CTNNA2: variants seen among roughly 807,000 people sequenced by gnomAD.
CTNNA2 encodes the protein catenin alpha-2.
Under a neutral mutation model 101.0 loss-of-function variants are expected in CTNNA2, and 42 were observed. That is an observed-to-expected ratio of 0.42 (90% confidence interval 0.32 to 0.54). The LOEUF (loss-of-function observed/expected upper bound fraction) is 0.54. CTNNA2 is among the 20% of genes least tolerant of loss of function. The pLI, the probability that CTNNA2 is intolerant of heterozygous loss-of-function variation, is 0.14. For missense variants in CTNNA2, 871 were observed against 1,223.1 expected, an observed-to-expected ratio of 0.71 and a Z score of 4.29; for synonymous variants, 450 against 456.4, an observed-to-expected ratio of 0.99 and a Z score of 0.18.
chr2:79,787,064 A>G (rs1187491068), intron 3 of CTNNA2, among the ~76,000 whole-genome samples: 5 of 151,936 alleles, frequency 3.3e-5, no homozygotes, highest in African/African-American at 1.2e-4. Context: ...CTTACTGAAA[A>G]CTCATTTTAA....
chr2:80,124,243 C>T (rs541504741), intron 7 of CTNNA2, among the ~76,000 whole-genome samples: 5 of 152,228 alleles, frequency 3.3e-5, no homozygotes, highest in Admixed American at 6.5e-5. Context: ...CCATATTTAC[C>T]GATGTCTGCC....
intron 11 of CTNNA2, among the ~76,000 whole-genome samples, chr2:80,547,039 C>G (rs1250908597): frequency 6.6e-6 from 1 of 152,176 alleles, no homozygotes; most frequent in Non-Finnish European, 1.5e-5. Context: ...TGGTGGGAAC[C>G]AGGCAGACAG....
chr2:79,479,813 C>T (rs1671089356), intron 4 of CTNNA2, among the ~76,000 whole-genome samples: 1 of 152,020 alleles, frequency 6.6e-6, no homozygotes, highest in Non-Finnish European at 1.5e-5. Context: ...ATCTCAGCTA[C>T]TCCGGAGGCT....
At chr2:80,340,935 G>A (rs1331694006) in intron 7 of CTNNA2, among the ~76,000 whole-genome samples, 1 of 152,072 alleles carries the variant, frequency 6.6e-6, no homozygotes, top group East Asian at 1.9e-4. Context: ...TCGGTAATTA[G>A]CTAGGAAGGC....
intron 3 of CTNNA2, among the ~76,000 whole-genome samples, chr2:79,347,105 A>G (rs1338682231): frequency 6.6e-6 from 1 of 152,222 alleles, no homozygotes; most frequent in East Asian, 1.9e-4. Flanking sequence ...TTAAAATATT[A>G]AATACATAAA....
intron 2 of CTNNA2, among the ~76,000 whole-genome samples, chr2:79,229,636 A>G (rs1674464692): frequency 6.6e-6 from 1 of 152,236 alleles, no homozygotes; most frequent in South Asian, 2.1e-4. Flanking sequence ...TGCTGAAAAG[A>G]TACCCTAAAA....
At chr2:79,901,835 A>G (rs573338708) in intron 6 of CTNNA2, among the ~76,000 whole-genome samples, 189 of 152,228 alleles carry the variant, frequency 1.2e-3, no homozygotes, top group Non-Finnish European at 2.3e-3. Context: ...ACTTAACTGT[A>G]ATTAAAAACA....
chr2:79,561,453 A>G (rs888514242), intron 1 of CTNNA2, among the ~76,000 whole-genome samples: 4 of 152,010 alleles, frequency 2.6e-5, no homozygotes, highest in Non-Finnish European at 5.9e-5. Flanking sequence ...TCCACCAAGG[A>G]GTGGAATCGT....
rs539138488 is a variant in CTNNA2 at position 79,401,580 on chromosome 2, G to T, written c.-135+27567G>T. The stretch of plus-strand genomic sequence containing the variant: ...TTAGATGTTAATTATAAACCCTAGG[G>T]AAATCACTAAGAAACAGTTCAAGAA... On this transcript the variant is annotated intron_variant, in intron 4 of 21. Transcript: ENST00000466387. Among the ~76,000 whole-genome samples, 5 of 151,222 alleles carry T rather than the reference G, an allele frequency of 3.3e-5. No individual in the cohort carries two copies. The South Asian group carries it at 1.0e-3, about 32-fold the overall frequency.
At chr2:80,170,599 A>T (rs147744226) in intron 7 of CTNNA2, among the ~76,000 whole-genome samples, 1 of 152,282 alleles carries the variant, frequency 6.6e-6, no homozygotes, top group Middle Eastern at 3.4e-3. Context: ...TCCTTGTTCA[A>T]TACCCTTTCC....
At chr2:79,419,317 G>C (rs945616441) in intron 4 of CTNNA2, among the ~76,000 whole-genome samples, 1 of 152,240 alleles carries the variant, frequency 6.6e-6, no homozygotes, top group Admixed American at 6.5e-5. Flanking sequence ...CAGTAAGATG[G>C]TAATGCTAGT....
intron 4 of CTNNA2, among the ~76,000 whole-genome samples, chr2:79,861,249 A>G (rs1212460364): frequency 6.6e-6 from 1 of 152,186 alleles, no homozygotes; most frequent in African/African-American, 2.4e-5. Flanking sequence ...TGTTACACAT[A>G]GTATTCTACT....
chr2:79,395,063 G>A (rs946236296), intron 4 of CTNNA2, among the ~76,000 whole-genome samples: 19 of 152,088 alleles, frequency 1.2e-4, no homozygotes, highest in African/African-American at 4.6e-4. Context: ...GTTGCTAAGG[G>A]TTTTACCTGT....
At chr2:79,619,067 G>A (rs753140541) in intron 1 of CTNNA2, among the ~76,000 whole-genome samples, 17 of 152,172 alleles carry the variant, frequency 1.1e-4, no homozygotes, top group South Asian at 4.1e-4. Flanking sequence ...TTAGCTGGGC[G>A]TGGTGGCGGG....
At chr2:79,498,495 T>C (rs764320109) in intron 4 of CTNNA2, among the ~76,000 whole-genome samples, 2 of 152,212 alleles carry the variant, frequency 1.3e-5, no homozygotes, top group Non-Finnish European at 2.9e-5. Flanking sequence ...CAAAGTCTGA[T>C]TCTGATCATT....
chr2:79,998,083 T>C (rs1692682231), intron 7 of CTNNA2, among the ~76,000 whole-genome samples: 1 of 152,200 alleles, frequency 6.6e-6, no homozygotes, highest in African/African-American at 2.4e-5. Flanking sequence ...TTTGTCTGAT[T>C]ACATCACTTG....
intron 7 of CTNNA2, among the ~76,000 whole-genome samples, chr2:80,153,182 C>G (rs1359431261): frequency 6.6e-6 from 1 of 152,174 alleles, no homozygotes; most frequent in Non-Finnish European, 1.5e-5. Context: ...GCTTCAGTGT[C>G]CATGCTAAGG....
chr2:79,333,478 A>G (rs992388188), intron 3 of CTNNA2, among the ~76,000 whole-genome samples: 2 of 152,154 alleles, frequency 1.3e-5, no homozygotes, highest in African/African-American at 4.8e-5. Flanking sequence ...ATTCTTCCTC[A>G]CTAAAACTAA....
At chr2:80,206,286 C>G (rs1227198583) in intron 7 of CTNNA2, among the ~76,000 whole-genome samples, 1 of 152,192 alleles carries the variant, frequency 6.6e-6, no homozygotes, top group African/African-American at 2.4e-5. Context: ...ATGTAAACAT[C>G]ACTATCATGT....
Sources: gnomAD v4.1 joint callset for allele counts (sites outside exome capture counted in the v4.1 genomes callset) on GRCh38, gnomAD v4.1.1 for gene constraint, MANE v1.5 for transcripts, NCBI Gene and HGNC (gene_info 2026-07-23, HGNC 2026-07-21) for gene names.